FOXP2: variants seen among roughly 807,000 people sequenced by gnomAD.
The protein encoded by FOXP2 is forkhead box P2.
FOXP2 carries 12 observed loss-of-function variants against 115.8 expected under a neutral mutation model. The ratio of observed to expected loss-of-function variants is 0.10; its 90% CI spans 0.07 to 0.17. FOXP2 has a LOEUF of 0.17. Among genes scored for constraint, FOXP2 ranks in the 10% least tolerant of loss-of-function variants. The pLI is 1.00. For missense variants in FOXP2, 629 were observed against 843.5 expected (o/e 0.75, Z 3.15); for synonymous variants, 328 against 297.7 (o/e 1.10, Z -1.05).
At chr7:114,533,459 T>C (rs1020838692) in intron 2 of FOXP2, among the ~76,000 whole-genome samples, 1 of 151,938 alleles carries the variant, frequency 6.6e-6, no homozygotes, top group Non-Finnish European at 1.5e-5. Context: ...GCACATCTTG[T>C]CAAAGCAACT....
chr7:114,582,600 C>G (rs1040475614), intron 3 of FOXP2, among the ~76,000 whole-genome samples: 7 of 152,072 alleles, frequency 4.6e-5, no homozygotes, highest in African/African-American at 1.7e-4. Flanking sequence ...GTGTTCTTTC[C>G]TTTTCCTCAG....
chr7:114,176,298 T>TTCTTTCTCTCTCTCTCTCTC (rs368923204), intron 1 of FOXP2, among the ~76,000 whole-genome samples: 41 of 76,570 alleles, frequency 5.4e-4, no homozygotes, highest in African/African-American at 1.9e-3. Flanking sequence ...CTTTCTTTCT[T>TTCTTTCTCTCTCTCTCTCTC]TCTCTCTCTC....
chr7:114,498,024 C>A (rs1272411102), intron 2 of FOXP2, among the ~76,000 whole-genome samples: 2 of 152,120 alleles, frequency 1.3e-5, no homozygotes, highest in African/African-American at 4.8e-5. Context: ...GTATTTTATT[C>A]TCTGAAACAT....
intron 2 of FOXP2, among the ~76,000 whole-genome samples, chr7:114,385,754 A>G (rs1282082931): frequency 2.6e-5 from 4 of 152,182 alleles, no homozygotes. Context: ...ACAGCTTTGG[A>G]TGTCCCTTCG....
chr7:114,638,192 T>C (rs1169456084), intron 6 of FOXP2, among the ~76,000 whole-genome samples: 1 of 152,154 alleles, frequency 6.6e-6, no homozygotes, highest in African/African-American at 2.4e-5. Flanking sequence ...TTACACCTGG[T>C]ATTTAAAACT....
At chr7:114,361,586 A>T (rs1693501982) in intron 2 of FOXP2, among the ~76,000 whole-genome samples, 1 of 152,120 alleles carries the variant, frequency 6.6e-6, no homozygotes, top group African/African-American at 2.4e-5. Flanking sequence ...TGAGCAAGAT[A>T]GTCAACTAGT....
intron 2 of FOXP2, among the ~76,000 whole-genome samples, chr7:114,452,120 A>G (rs1437907054): frequency 6.6e-6 from 1 of 151,966 alleles, no homozygotes; most frequent in Non-Finnish European, 1.5e-5. Context: ...ATATTCTCAT[A>G]TTTACATATA....
rs990307552 is a variant in FOXP2, at chr7:114,294,517, A to T, written c.-11+6408A>T. 4.7e-4 allele frequency among the ~76,000 whole-genome samples: 71 copies of T among 152,158 alleles called. 1 individual carries two copies. Among genetic ancestry groups the T allele is most frequent in the Non-Finnish European group, 8.8e-5 (6 of 68,032 alleles). On this transcript the variant is annotated intron_variant, in intron 2 of 17. Transcript: ENST00000634411. The stretch of plus-strand genomic sequence containing the variant: ...CAGAAAAGTGAATTGAAAAGTATGT[A>T]TCAGCAAGTAATAGAACAACATTTA...
At chr7:114,441,757 C>A (rs954057560) in intron 2 of FOXP2, among the ~76,000 whole-genome samples, 2 of 152,102 alleles carry the variant, frequency 1.3e-5, no homozygotes, top group Non-Finnish European at 2.9e-5. Flanking sequence ...AAATGAAAAA[C>A]TGTTCCACTT....
At position 114,509,003 on chromosome 7, in the gene FOXP2, G is replaced by A. The variant is rs116179286; in HGVS notation, c.169-25614G>A. Among the ~76,000 whole-genome samples, 1,371 of 152,186 alleles carry A rather than the reference G, an allele frequency of 9.0e-3. 22 individuals carry two copies. Among genetic ancestry groups the A allele is most frequent in the African/African-American group, 0.031 (1,303 of 41,538 alleles). ...AAAGAGATCTTAAAGAAGTAAAAGA[G>A]CAAGCTTTGTGTATTTGAGAGATTC... On this transcript the variant is annotated intron_variant, in intron 2 of 16. Transcript: ENST00000350908.
At chr7:114,140,351 A>G (rs1465812330) in intron 1 of FOXP2, among the ~76,000 whole-genome samples, 2 of 152,200 alleles carry the variant, frequency 1.3e-5, no homozygotes, top group Non-Finnish European at 2.9e-5. Flanking sequence ...TAATCTGCCT[A>G]GAAAAAAATG....
intron 2 of FOXP2, among the ~76,000 whole-genome samples, chr7:114,471,365 C>T (rs1255781097): frequency 5.3e-5 from 8 of 152,126 alleles, no homozygotes; most frequent in Admixed American, 1.3e-4. Flanking sequence ...CACACAACTA[C>T]CATTCAGGTA....
chr7:114,302,758 G>T (rs1172253778), intron 2 of FOXP2, among the ~76,000 whole-genome samples: 1 of 152,122 alleles, frequency 6.6e-6, no homozygotes, highest in African/African-American at 2.4e-5. Context: ...GCAGACTGGA[G>T]CAAGTGATTA....
At chr7:114,167,674 G>A (rs986108124) in intron 1 of FOXP2, among the ~76,000 whole-genome samples, 1 of 151,972 alleles carries the variant, frequency 6.6e-6, no homozygotes, top group African/African-American at 2.4e-5. Flanking sequence ...TGGTGGCTCA[G>A]GCCTGTAATC....
intron 1 of FOXP2, among the ~76,000 whole-genome samples, chr7:114,113,575 G>A (rs1791329118): frequency 6.6e-6 from 1 of 151,994 alleles, no homozygotes; most frequent in Admixed American, 6.6e-5. Flanking sequence ...TCACTTTGTT[G>A]CCCAGGATGG....
intron 3 of FOXP2, among the ~76,000 whole-genome samples, chr7:114,593,080 T>G (rs1193312859): frequency 6.6e-6 from 1 of 152,004 alleles, no homozygotes; most frequent in Non-Finnish European, 1.5e-5. Flanking sequence ...ATTGAATAGT[T>G]TCTGTTTTGG....
At chr7:114,615,872 G>C (rs1803922515) in intron 3 of FOXP2, among the ~76,000 whole-genome samples, 1 of 152,064 alleles carries the variant, frequency 6.6e-6, no homozygotes, top group South Asian at 2.1e-4. Flanking sequence ...ATCAGTTCAT[G>C]GTCCTTTTTA....
chr7:114,176,929 C>G (rs1303174492), intron 1 of FOXP2, among the ~76,000 whole-genome samples: 1 of 152,096 alleles, frequency 6.6e-6, no homozygotes, highest in East Asian at 1.9e-4. Flanking sequence ...TAATTTTGAA[C>G]TTTATACAAA....
chr7:114,651,053 C>T (rs1278799125), intron 8 of FOXP2, among the ~76,000 whole-genome samples: 5 of 151,894 alleles, frequency 3.3e-5, no homozygotes, highest in Non-Finnish European at 5.9e-5. Context: ...ATTTTTTCTG[C>T]CTCACTGTGA....
Sources: allele counts gnomAD v4.1 joint callset (sites outside exome capture counted in the v4.1 genomes callset), GRCh38; gene constraint gnomAD v4.1.1; transcripts MANE v1.5; gene names NCBI Gene and HGNC (gene_info 2026-07-23, HGNC 2026-07-21).